The following INPP4B variants were observed in gnomAD, a reference collection of about 807,000 sequenced individuals.
The protein encoded by INPP4B is inositol polyphosphate 4-phosphatase type II.
INPP4B carries 55 observed loss-of-function variants against 122.5 expected under a neutral mutation model. That is an observed-to-expected ratio of 0.45 (90% CI 0.36 to 0.56). The LOEUF is 0.56. Among genes scored for constraint, INPP4B ranks in the 20% least tolerant of loss-of-function variants. The probability of loss-of-function intolerance (pLI) is 0.00; values close to 1 mark genes in which losing one functional copy is unlikely to be tolerated. For synonymous variants in INPP4B, 403 were observed against 388.7 expected (o/e 1.04, Z -0.43); for missense variants, 1,000 against 1,097.7 (o/e 0.91, Z 1.26).
At chr4:142,491,503 A>G (rs1408672906) in intron 2 of INPP4B, among the ~76,000 whole-genome samples, 2 of 152,066 alleles carry the variant, frequency 1.3e-5, no homozygotes, top group Non-Finnish European at 2.9e-5. Flanking sequence ...AAAAGACAAA[A>G]AAAATTAGCC....
At chr4:142,662,081 C>T (rs75799892) in intron 2 of INPP4B, among the ~76,000 whole-genome samples, 3,841 of 152,034 alleles carry the variant, frequency 0.025, 60 homozygotes, top group Middle Eastern at 0.092. Flanking sequence ...AAAGTACAAA[C>T]AAAATTAACC....
intron 2 of INPP4B, among the ~76,000 whole-genome samples, chr4:142,599,959 T>A (rs1739543874): frequency 6.6e-6 from 1 of 151,656 alleles, no homozygotes; most frequent in Non-Finnish European, 1.5e-5. Context: ...TTTTTTGAAG[T>A]AACCCAGTCA....
chr4:142,139,967 G>A (rs1806883164), intron 18 of INPP4B, among the ~76,000 whole-genome samples: 1 of 152,168 alleles, frequency 6.6e-6, no homozygotes, highest in Non-Finnish European at 1.5e-5. Context: ...GTGAGCCACA[G>A]CAACTGGCCC....
chr4:142,210,879 G>T (rs1326803479), intron 12 of INPP4B, among the ~76,000 whole-genome samples: 1 of 152,288 alleles, frequency 6.6e-6, no homozygotes, highest in East Asian at 1.9e-4. Context: ...GATACTGGGG[G>T]TGGTGTACAT....
intron 1 of INPP4B, among the ~76,000 whole-genome samples, chr4:142,747,154 A>C (rs1001221001): frequency 1.3e-5 from 2 of 148,596 alleles, no homozygotes; most frequent in African/African-American, 5.0e-5. Flanking sequence ...AAAATCTACA[A>C]GGAATTTAAA....
chr4:142,702,976 A>G (rs1762011295), intron 2 of INPP4B, among the ~76,000 whole-genome samples: 1 of 152,220 alleles, frequency 6.6e-6, no homozygotes, highest in African/African-American at 2.4e-5. Context: ...TGGAATTAAT[A>G]AGATGTGAGT....
At chr4:142,346,627 A>G (rs748118320) in intron 7 of INPP4B, among the ~76,000 whole-genome samples, 2 of 152,018 alleles carry the variant, frequency 1.3e-5, no homozygotes, top group Non-Finnish European at 2.9e-5. Flanking sequence ...AAATTGAAAC[A>G]GAGGGCTTGA....
At chr4:142,434,041 T>C (rs1424686045) in intron 3 of INPP4B, among the ~76,000 whole-genome samples, 1 of 152,204 alleles carries the variant, frequency 6.6e-6, no homozygotes, top group African/African-American at 2.4e-5. Context: ...TTTGCAAATA[T>C]TAAATAATGC....
At chr4:142,821,873 G>C (rs1479052587) in intron 1 of INPP4B, among the ~76,000 whole-genome samples, 4 of 152,112 alleles carry the variant, frequency 2.6e-5, no homozygotes, top group Non-Finnish European at 4.4e-5. Flanking sequence ...GAAGAAGTGA[G>C]GGTGTGGGGA....
At chr4:142,383,987 T>C (rs1795086415) in intron 7 of INPP4B, 2 of 671,494 alleles carry the variant, frequency 3.0e-6, no homozygotes, top group Admixed American at 4.3e-5. Flanking sequence ...AAGAAGCTCA[T>C]GTGATGTCTT....
At chr4:142,643,819 T>C (rs941855278) in intron 2 of INPP4B, among the ~76,000 whole-genome samples, 3 of 152,196 alleles carry the variant, frequency 2.0e-5, no homozygotes, top group African/African-American at 7.2e-5. Context: ...TGGTGCTGAA[T>C]GGCATTTTTC....
At chr4:142,685,679 G>A (rs537832476) in intron 2 of INPP4B, among the ~76,000 whole-genome samples, 5 of 152,050 alleles carry the variant, frequency 3.3e-5, no homozygotes. Context: ...AAAATCACCT[G>A]AGTCAGGGAG....
chr4:142,572,143 C>T (rs1732972378), intron 2 of INPP4B, among the ~76,000 whole-genome samples: 1 of 152,160 alleles, frequency 6.6e-6, no homozygotes, highest in Non-Finnish European at 1.5e-5. Flanking sequence ...TTGCTTGTCA[C>T]ACTGCTCTGC....
intron 5 of INPP4B, among the ~76,000 whole-genome samples, chr4:142,409,976 C>A (rs1176896156): frequency 1.3e-5 from 2 of 152,292 alleles, no homozygotes; most frequent in South Asian, 2.1e-4. Flanking sequence ...ACTGTCTATA[C>A]CAAAATACTG....
At chr4:142,814,935 GAGAGAGT>G in intron 1 of INPP4B, among the ~76,000 whole-genome samples, 1 of 152,230 alleles carries the variant, frequency 6.6e-6, no homozygotes, top group Non-Finnish European at 1.5e-5. Flanking sequence ...AAAGAGGAGG[GAGAGAGT>G]AACGATGGGG....
At chr4:142,168,057 T>C (rs1032518498) in intron 16 of INPP4B, among the ~76,000 whole-genome samples, 1 of 151,604 alleles carries the variant, frequency 6.6e-6, no homozygotes, top group Admixed American at 6.6e-5. Flanking sequence ...TCATTCTTGT[T>C]GGTGAACGTC....
Position 142,277,978 on chromosome 4 carries a change from T to C in INPP4B, c.504-7204A>G, listed in dbSNP as rs186576146. 1.1e-4 allele frequency among the ~76,000 whole-genome samples: 17 copies of C among 151,756 alleles called. No individual in the cohort carries two copies. The East Asian group carries it at 3.3e-3, about 29-fold the overall frequency. ...ACAGTTGCACTGCTCGGATGATGGGTGCACCAAAATCACAGAAATCACCAC... is the reference window on the plus strand; with the variant it reads ...ACAGTTGCACTGCTCGGATGATGGGCGCACCAAAATCACAGAAATCACCAC... On this transcript the variant is annotated intron_variant, in intron 9 of 25. Coordinates refer to ENST00000262992, the MANE Select transcript of INPP4B (RefSeq NM_001101669.3).
chr4:142,158,077 G>A (rs1430664605), intron 17 of INPP4B, among the ~76,000 whole-genome samples: 1 of 151,904 alleles, frequency 6.6e-6, no homozygotes, highest in Admixed American at 6.6e-5. Flanking sequence ...ATAGCCTTTG[G>A]AATATAACAT....
chr4:142,530,550 C>CATATATATATATATAT (rs35595178), intron 2 of INPP4B, among the ~76,000 whole-genome samples: 67 of 140,444 alleles, frequency 4.8e-4, no homozygotes, highest in African/African-American at 1.7e-3. Flanking sequence ...TATGTGTGTG[C>CATATATATATATATAT]ATATATATAT....
Sources: allele counts gnomAD v4.1 joint callset (sites outside exome capture counted in the v4.1 genomes callset), GRCh38; gene constraint gnomAD v4.1.1; transcripts MANE v1.5; gene names NCBI Gene and HGNC (gene_info 2026-07-23, HGNC 2026-07-21).